The following PSMD12 variants were observed in gnomAD, a reference collection of about 807,000 sequenced individuals.
PSMD12 encodes the protein proteasome 26S subunit, non-ATPase 12.
In PSMD12, 8 loss-of-function variants were observed where a neutral mutation model predicts 62.9. The observed-to-expected ratio is 0.13, with a 90% confidence interval of 0.07 to 0.23. PSMD12 has a LOEUF of 0.23. Ranked by LOEUF, PSMD12 falls within the 10% of genes least tolerant of loss-of-function variation. PSMD12 has a pLI of 1.00. For synonymous variants in PSMD12, 173 were observed against 187.4 expected, an observed-to-expected ratio of 0.92 and a Z score of 0.63; for missense variants, 424 against 550.2, an observed-to-expected ratio of 0.77 and a Z score of 2.29.
intron 4 of PSMD12, 73 bp from the exon 5 acceptor site, chr17:67,348,727 T>C: frequency 7.6e-7 from 1 of 1,321,148 alleles, no homozygotes; most frequent in South Asian, 1.2e-5. Context: ...GCTGGGTATG[T>C]TGGCTCACAC....
intron 1 of PSMD12, among the ~76,000 whole-genome samples, chr17:67,364,509 T>C (rs926172450): frequency 1.3e-5 from 2 of 152,236 alleles, no homozygotes; most frequent in African/African-American, 4.8e-5. Context: ...TCATAGTGTC[T>C]AACACTGACT....
At chr17:67,351,414 A>AATAATAATAATT (rs1555640978) in intron 3 of PSMD12, among the ~76,000 whole-genome samples, 1 of 148,516 alleles carries the variant, frequency 6.7e-6, no homozygotes, top group African/African-American at 2.5e-5. Context: ...TAATAATAAT[A>AATAATAATAATT]ATAATAATAA....
At chr17:67,344,322 A>C (rs1465036030) in intron 9 of PSMD12, among the ~76,000 whole-genome samples, 1 of 152,188 alleles carries the variant, frequency 6.6e-6, no homozygotes, top group Non-Finnish European at 1.5e-5. Flanking sequence ...TTTTCTGAAA[A>C]GCCAAAAATA....
chr17:67,355,654 T>G (rs1466220174), intron 3 of PSMD12, among the ~76,000 whole-genome samples: 1 of 152,058 alleles, frequency 6.6e-6, no homozygotes, highest in Non-Finnish European at 1.5e-5. Context: ...GAAACAGTAT[T>G]TAAAAGATGA....
At chr17:67,357,911 C>T (rs1478941399) in intron 1 of PSMD12, among the ~76,000 whole-genome samples, 1 of 147,394 alleles carries the variant, frequency 6.8e-6, no homozygotes, top group Non-Finnish European at 1.5e-5. Context: ...AGTGTGGTAA[C>T]ACCTGTTTAT....
At chr17:67,342,681 A>G (rs1039924258) in intron 9 of PSMD12, among the ~76,000 whole-genome samples, 1 of 152,164 alleles carries the variant, frequency 6.6e-6, no homozygotes, top group Non-Finnish European at 1.5e-5. Context: ...TCACACCTGT[A>G]ATCCCAGCAC....
chr17:67,358,578 A>AAG (rs1555642157), intron 1 of PSMD12, among the ~76,000 whole-genome samples: 4 of 150,426 alleles, frequency 2.7e-5, no homozygotes, highest in African/African-American at 9.7e-5. Context: ...AAAAAAAAAA[A>AAG]AAAAAAAAGA....
chr17:67,360,453 AACCAT>A (rs2042118984), intron 1 of PSMD12, among the ~76,000 whole-genome samples: 1 of 152,182 alleles, frequency 6.6e-6, no homozygotes, highest in South Asian at 2.1e-4. Flanking sequence ...TTTCATACTC[AACCAT>A]ACTGACTCTA....
rs1213184007 is a variant in PSMD12, at chr17:67,339,061, TA to T, written c.*1781del. Reference sequence around the variant, plus strand: ...CTATCCTTTTCATTCAAAGGAAAATTAAAACCATACTCTGTTAGTGTGAACT... The same window carrying T: ...CTATCCTTTTCATTCAAAGGAAAATTAAACCATACTCTGTTAGTGTGAACT... On this transcript the variant is annotated 3_prime_UTR_variant, in exon 11 of 11. Coordinates refer to ENST00000356126, the MANE Select transcript of PSMD12 (RefSeq NM_002816.5). The T allele has an allele frequency of 1.3e-5, 2 of 152,190 alleles. No homozygotes were observed. Among genetic ancestry groups the T allele is most frequent in the Non-Finnish European group, 2.9e-5 (2 of 68,038 alleles). The allele number at this position is 152,190 out of a possible 1,614,324, so 9.4% of individuals were successfully genotyped here.
chr17:67,357,617 C>T lies in PSMD12; in HGVS notation c.109-39G>A, dbSNP rs1489667402. 3.2e-6 allele frequency: 5 copies of T among 1,570,688 alleles called. No individual in the cohort carries two copies. The Admixed American group carries it at 6.7e-5, about 21-fold the overall frequency. On this transcript the variant is annotated intron_variant, in intron 1 of 10. Transcript: ENST00000356126. ...TGAAAATGAACAATAAAAAAACACA[C>T]AAAATGCAAATAACTAGTCTAAAAT...
chr17:67,351,847 C>G (rs187522943), intron 3 of PSMD12, among the ~76,000 whole-genome samples: 11 of 151,478 alleles, frequency 7.3e-5, no homozygotes, highest in African/African-American at 2.2e-4. Flanking sequence ...TGCCCGTAAT[C>G]CCAGACTTTG....
intron 1 of PSMD12, among the ~76,000 whole-genome samples, chr17:67,361,516 A>G (rs970700701): frequency 6.6e-6 from 1 of 152,138 alleles, no homozygotes; most frequent in Non-Finnish European, 1.5e-5. Flanking sequence ...CGGGAACGGG[A>G]GGTTGCAGTG....
chr17:67,352,165 T>C (rs2042025019), intron 3 of PSMD12, among the ~76,000 whole-genome samples: 1 of 151,920 alleles, frequency 6.6e-6, no homozygotes, highest in Non-Finnish European at 1.5e-5. Context: ...TGACCACAGC[T>C]CACTGCTACC....
rs181813820 is a variant in PSMD12, at chr17:67,360,071, A to G, written c.109-2493T>C. Among the ~76,000 whole-genome samples the G allele has an allele frequency of 1.4e-3, 217 of 152,240 alleles. 1 individual carries two copies. In the Middle Eastern group the frequency reaches 0.02, roughly 14 times the overall value. Reference sequence around the variant, plus strand: ...CAAGCTCCAAAGCTCTCTCCACTAGAGTGCAGCGCTTCCCCTACTGTACTA... The same window carrying G: ...CAAGCTCCAAAGCTCTCTCCACTAGGGTGCAGCGCTTCCCCTACTGTACTA... On this transcript the variant is annotated intron_variant, in intron 1 of 10. Coordinates refer to ENST00000356126, the MANE Select transcript of PSMD12 (RefSeq NM_002816.5).
At chr17:67,365,994 A>T (rs934622050) in intron 1 of PSMD12, among the ~76,000 whole-genome samples, 1 of 152,216 alleles carries the variant, frequency 6.6e-6, no homozygotes, top group Non-Finnish European at 1.5e-5. Context: ...GCCAAAGACC[A>T]GGCACATAGC....
chr17:67,345,968 G>T, intron 7 of PSMD12, 111 bp from the exon 8 acceptor site: 1 of 1,045,562 alleles, frequency 9.6e-7, no homozygotes, highest in Non-Finnish European at 1.4e-6. Context: ...TTAAAGTCTT[G>T]GCCGGGCGCA....
Position 67,350,625 on chromosome 17 carries a change from C to A in PSMD12, c.298-289G>T, listed in dbSNP as rs145089316. ...GGGAAGAGAAAGCAGAGGTCCACAG[C>A]GGCTTGAAGCCATGACCTGCAGACA... On this transcript the variant is annotated intron_variant, in intron 3 of 10. Coordinates refer to ENST00000356126, the MANE Select transcript of PSMD12 (RefSeq NM_002816.5). Among the ~76,000 whole-genome samples, 17 of 152,276 alleles carry A rather than the reference C, an allele frequency of 1.1e-4. No individual in the cohort carries two copies. The East Asian group carries it at 2.7e-3, about 24-fold the overall frequency.
intron 7 of PSMD12, among the ~76,000 whole-genome samples, chr17:67,346,079 T>C (rs1290918576): frequency 6.6e-6 from 1 of 151,170 alleles, no homozygotes; most frequent in Non-Finnish European, 1.5e-5. Context: ...AAACCCCATC[T>C]CTACTAAAAA....
chr17:67,340,985 G>A lies in PSMD12; in HGVS notation c.1229C>T (p.Ala410Val). 6.4e-7 allele frequency: 1 copy of A among 1,570,228 alleles called. No individual in the cohort carries two copies. Among genetic ancestry groups the A allele is most frequent in the Non-Finnish European group, 8.6e-7 (1 of 1,165,912 alleles). Residue 410 changes from alanine (A) to valine (V), a missense_variant, in exon 11 of 11, where the codon GCA (alanine) becomes GTA (valine). Transcript: ENST00000356126. ...GGGTCTCTGGAAGTTGATAATTCCT[G>A]CTAATCTGTCTACTTTAGCAAAGAT... is the stretch of plus-strand genomic sequence containing the variant. ...KTIFAKVDRL[A>V]GIINFQRPKD... is the part of the protein sequence containing the mutation.
Sources: allele counts gnomAD v4.1 joint callset (sites outside exome capture counted in the v4.1 genomes callset), GRCh38; gene constraint gnomAD v4.1.1; transcripts MANE v1.5; gene names NCBI Gene and HGNC (gene_info 2026-07-23, HGNC 2026-07-21).